DEK: variants seen among roughly 807,000 people sequenced by gnomAD.
DEK encodes DEK proto-oncogene.
In DEK, 28 loss-of-function variants were observed where a neutral mutation model predicts 46.8. That is an observed-to-expected ratio of 0.60 (90% CI 0.44 to 0.82). The LOEUF (loss-of-function observed/expected upper bound fraction) is 0.82. Ranked by LOEUF, DEK falls within the 40% of genes least tolerant of loss-of-function variation. The probability of loss-of-function intolerance (pLI) is 0.00; values close to 1 mark genes in which losing one functional copy is unlikely to be tolerated. For synonymous variants in DEK, 160 were observed against 144.5 expected (o/e 1.11, Z -0.77); for missense variants, 416 against 430.6 (o/e 0.97, Z 0.30).
In DEK at chr6:18,249,806, C is replaced by T; in HGVS notation, c.607G>A (p.Gly203Ser). 1 of 1,600,570 alleles carries T rather than the reference C, an allele frequency of 6.2e-7. No individual in the cohort carries two copies. Among genetic ancestry groups the T allele is most frequent in the African/African-American group, 1.4e-5 (1 of 73,986 alleles). The change falls in exon 7 of 11, where the codon GGC becomes AGC. Residue 203 changes from glycine (G) to serine (S), a missense_variant. Coordinates refer to ENST00000652689, the MANE Select transcript of DEK (RefSeq NM_003472.4). The stretch of plus-strand genomic sequence containing the variant: ...GAACTGTTCCGTTCCTTTTTACTGC[C>T]TTTGCTACAAGTTTTTTTAGATTTC... Reference protein sequence around the residue: ...LPKSKKTCSKGSKKERNSSGM... With the variant: ...LPKSKKTCSKSSKKERNSSGM...
At position 18,256,214 on chromosome 6, in the gene DEK, T is replaced by C. The variant is rs1791589330; in HGVS notation, c.452+147A>G. 39 of 623,668 alleles carry C rather than the reference T, an allele frequency of 6.3e-5. 1 individual carries two copies. In the East Asian group the frequency reaches 1.3e-3, roughly 20 times the overall value. The allele number at this position is 623,668 out of a possible 1,614,324, so 38.6% of individuals were successfully genotyped here. On this transcript the variant is annotated intron_variant, in intron 5 of 10. Transcript: ENST00000652689. ...GTTGGTCAGGCTGGTCTCAAACTCC[T>C]GACCTCAGGTGATACGCCCGCCTCA... is the stretch of plus-strand genomic sequence containing the variant.
Position 18,264,010 on chromosome 6 carries a change from G to C in DEK, c.-9-14C>G. 1 of 1,588,938 alleles carries C rather than the reference G, an allele frequency of 6.3e-7. No individual in the cohort carries two copies. Among genetic ancestry groups the C allele is most frequent in the Non-Finnish European group, 8.6e-7 (1 of 1,167,680 alleles). ...CATGCTGTGAACCTGCATGCGGGAA[G>C]AAAGCCGGACGTCTCGGTCCTCCTA... On this transcript the variant is annotated splice_polypyrimidine_tract_variant and intron_variant, in intron 1 of 10. Transcript: ENST00000652689.
rs1790706681 is a variant in DEK at position 18,237,478 on chromosome 6, C to T, written c.801G>A (p.Gln267=). Residue 267 remains glutamine, a synonymous_variant, in exon 8 of 11, where the codon CAG becomes CAA. Transcript: ENST00000652689. ...ATTTTTTACTTTTAGAAGTAGCTTT[C>T]TGTTTAGGTTTTTCTCTTTTGGCTG... ...KKTAKREKPK[Q]KATSKSKKSV... is the part of the protein sequence containing the mutation. 2 of 1,609,558 alleles carry T rather than the reference C, an allele frequency of 1.2e-6. No individual in the cohort carries two copies. The highest frequency in any genetic ancestry group is 2.7e-5 in the African/African-American group (2 of 74,520).
chr6:18,260,718 G>A (rs1034045661), intron 2 of DEK, among the ~76,000 whole-genome samples: 1 of 152,108 alleles, frequency 6.6e-6, no homozygotes, highest in Non-Finnish European at 1.5e-5. Context: ...CTGCTACTCA[G>A]GGCCAGGCGT....
Position 18,224,002 on chromosome 6 carries a change from T to TAATTA in DEK, c.*1712_*1716dup, listed in dbSNP as rs1284421636. On this transcript the variant is annotated 3_prime_UTR_variant, in exon 11 of 11. Transcript: ENST00000652689. Reference sequence around the variant, plus strand: ...TAGCAAATGGTCATAAAATTAACCTTAATTATTCAGTTTTGTGAAGTCACT... The same window carrying TAATTA: ...TAGCAAATGGTCATAAAATTAACCTTAATTAAATTATTCAGTTTTGTGAAGTCACT... 1 of 153,938 alleles carries TAATTA rather than the reference T, an allele frequency of 6.5e-6. No individual in the cohort carries two copies. The highest frequency in any genetic ancestry group is 1.4e-5 in the Non-Finnish European group (1 of 69,144). 9.5% of individuals were successfully genotyped at this position (153,938 alleles called of 1,614,324 possible). A position where few individuals can be genotyped will look rare whatever the true frequency, so the allele number is the denominator to read the frequency against.
intron 7 of DEK, among the ~76,000 whole-genome samples, chr6:18,239,310 C>T (rs1185707253): frequency 6.7e-6 from 1 of 150,132 alleles, no homozygotes; most frequent in African/African-American, 2.5e-5. Flanking sequence ...CCAAAAGTGG[C>T]CTCAAGCTAT....
chr6:18,233,682 A>G (rs1449876537), intron 9 of DEK, among the ~76,000 whole-genome samples: 1 of 152,214 alleles, frequency 6.6e-6, no homozygotes, highest in Non-Finnish European at 1.5e-5. Context: ...GAGATCATCA[A>G]AAAGTCAGGA....
rs764061142 is a variant in DEK, at chr6:18,224,818, C to T, written c.*901G>A. On this transcript the variant is annotated 3_prime_UTR_variant, in exon 11 of 11. Transcript: ENST00000652689. The stretch of plus-strand genomic sequence containing the variant: ...AGCCAAATGTGCTTGTACTTAATCC[C>T]ACCCTTTCCCAAAGTTTTTGAAGCT... The T allele has an allele frequency of 4.7e-6, 1 of 211,420 alleles. No homozygotes were observed. Among genetic ancestry groups the T allele is most frequent in the Non-Finnish European group, 9.6e-6 (1 of 104,080 alleles). 13.1% of individuals were successfully genotyped at this position (211,420 alleles called of 1,614,324 possible). A position where few individuals can be genotyped will look rare whatever the true frequency, so the allele number is the denominator to read the frequency against.
chr6:18,240,846 T>C (rs372088035), intron 7 of DEK, among the ~76,000 whole-genome samples: 1 of 152,182 alleles, frequency 6.6e-6, no homozygotes, highest in Non-Finnish European at 1.5e-5. Flanking sequence ...CTGGAAATTA[T>C]AAACACAGTG....
At position 18,256,356 on chromosome 6, in the gene DEK, C is replaced by A; in HGVS notation, c.452+5G>T. On this transcript the variant is annotated splice_donor_5th_base_variant and intron_variant, in intron 5 of 10. Transcript: ENST00000652689. ...CAAAATACAGTATTTATAAAAATAA[C>A]TTACTTTTTCAACATTTCTTCCTTC... 1 of 1,601,378 alleles carries A rather than the reference C, an allele frequency of 6.2e-7. No homozygotes were observed. The highest frequency in any genetic ancestry group is 8.5e-7 in the Non-Finnish European group (1 of 1,171,122).
intron 10 of DEK, 153 bp downstream of exon 10, chr6:18,226,021 G>A: frequency 1.2e-6 from 1 of 806,360 alleles, no homozygotes; most frequent in Non-Finnish European, 1.8e-6. Context: ...TTTAAAGTGG[G>A]AATGAGAAGA....
chr6:18,239,818 T>C (rs1790828454), intron 7 of DEK, among the ~76,000 whole-genome samples: 1 of 152,310 alleles, frequency 6.6e-6, no homozygotes, highest in South Asian at 2.1e-4. Flanking sequence ...TCCACCCAGT[T>C]CATGTGAACT....
intron 6 of DEK, among the ~76,000 whole-genome samples, chr6:18,252,644 T>C (rs1422995190): frequency 6.6e-6 from 1 of 151,848 alleles, no homozygotes; most frequent in Non-Finnish European, 1.5e-5. Context: ...AAAAACAGAT[T>C]CTCACAGTGT....
intron 9 of DEK, among the ~76,000 whole-genome samples, chr6:18,231,946 A>G (rs940033424): frequency 6.6e-6 from 1 of 152,226 alleles, no homozygotes; most frequent in African/African-American, 2.4e-5. Flanking sequence ...CCTGATGAAC[A>G]TCGACGCAAA....
intron 2 of DEK, 23 bp from the exon 3 acceptor site, chr6:18,258,428 T>C (rs761341152): frequency 1.9e-6 from 3 of 1,567,528 alleles, no homozygotes; most frequent in South Asian, 1.1e-5. Context: ...TTAGTATTTC[T>C]TAATTAACAA....
At chr6:18,227,578 G>A (rs951704636) in intron 9 of DEK, among the ~76,000 whole-genome samples, 1 of 151,772 alleles carries the variant, frequency 6.6e-6, no homozygotes, top group Non-Finnish European at 1.5e-5. Flanking sequence ...TATACTGAAC[G>A]CTGGTCCCCT....
At chr6:18,237,183 CTCTA>C in intron 8 of DEK, 194 bp downstream of exon 8, 1 of 482,008 alleles carries the variant, frequency 2.1e-6, no homozygotes. Context: ...CTGTCTCTCT[CTCTA>C]TATATATATA....
intron 7 of DEK, among the ~76,000 whole-genome samples, chr6:18,240,107 T>C (rs530053208): frequency 6.6e-6 from 1 of 152,344 alleles, no homozygotes; most frequent in African/African-American, 2.4e-5. Flanking sequence ...ATTAAAATTT[T>C]AGATGTGATA....
chr6:18,253,433 T>C (rs1459708652), intron 6 of DEK, among the ~76,000 whole-genome samples: 2 of 152,210 alleles, frequency 1.3e-5, no homozygotes, highest in African/African-American at 4.8e-5. Flanking sequence ...ATGATATTTA[T>C]ATTAATGAGC....
Sources: allele counts gnomAD v4.1 joint callset (sites outside exome capture counted in the v4.1 genomes callset), GRCh38; gene constraint gnomAD v4.1.1; transcripts MANE v1.5; gene names NCBI Gene and HGNC (gene_info 2026-07-23, HGNC 2026-07-21).